Variants in DTWD2 observed in about 807,000 individuals in gnomAD.
DTWD2 encodes the protein tRNA-uridine aminocarboxypropyltransferase 2.
Under a neutral mutation model 31.8 loss-of-function variants are expected in DTWD2, and 39 were observed. The ratio of observed to expected loss-of-function variants is 1.22; its 90% confidence interval spans 0.95 to 1.60. The LOEUF is 1.60. Ranked by LOEUF, DTWD2 falls within the 40% of genes most tolerant of loss-of-function variation. The pLI is 0.00. For missense variants in DTWD2, 515 were observed against 381.5 expected, an observed-to-expected ratio of 1.35 and a Z score of -2.92; for synonymous variants, 180 against 142.8, an observed-to-expected ratio of 1.26 and a Z score of -1.86.
intron 4 of DTWD2, among the ~76,000 whole-genome samples, chr5:118,885,590 A>G (rs1161961695): frequency 6.6e-6 from 1 of 151,330 alleles, no homozygotes; most frequent in Non-Finnish European, 1.5e-5. Flanking sequence ...ACAGGGCGAA[A>G]TCTCGTCTCT....
At chr5:118,928,836 T>C in intron 3 of DTWD2, 107 bp from the exon 4 acceptor site, 1 of 896,290 alleles carries the variant, frequency 1.1e-6, no homozygotes, top group Non-Finnish European at 1.6e-6. Context: ...TAGTCATTTG[T>C]CTAATCAAAT....
intron 4 of DTWD2, among the ~76,000 whole-genome samples, chr5:118,892,792 A>T (rs1042227967): frequency 6.6e-6 from 1 of 152,200 alleles, no homozygotes; most frequent in East Asian, 1.9e-4. Flanking sequence ...GTAAAAAAAA[A>T]CCCAGCTCCA....
chr5:118,852,474 G>A lies in DTWD2; in HGVS notation c.598-4256C>T, dbSNP rs187094591. On this transcript the variant is annotated intron_variant, in intron 4 of 5. Coordinates refer to ENST00000510708, the MANE Select transcript of DTWD2 (RefSeq NM_173666.4). ...TGCTGCGACTCCAGCTGGTCCCTCCGTTCAGGGTCCCTGAATTCCCACAAC... is the reference window on the plus strand; with the variant it reads ...TGCTGCGACTCCAGCTGGTCCCTCCATTCAGGGTCCCTGAATTCCCACAAC... Among the ~76,000 whole-genome samples, 400 of 152,168 alleles carry A rather than the reference G, an allele frequency of 2.6e-3. 5 individuals carry two copies. Among genetic ancestry groups the A allele is most frequent in the Admixed American group, 1.0e-3 (16 of 15,282 alleles).
chr5:118,922,478 G>A (rs1353015426), intron 4 of DTWD2, among the ~76,000 whole-genome samples: 1 of 152,088 alleles, frequency 6.6e-6, no homozygotes, highest in Non-Finnish European at 1.5e-5. Flanking sequence ...GGGGGTATAT[G>A]CATATTGAAG....
chr5:118,975,829 C>T (rs561857327), intron 1 of DTWD2, among the ~76,000 whole-genome samples: 1 of 152,314 alleles, frequency 6.6e-6, no homozygotes, highest in East Asian at 1.9e-4. Flanking sequence ...GAACTCAGCT[C>T]TGGACCAAGT....
intron 3 of DTWD2, among the ~76,000 whole-genome samples, chr5:118,934,272 T>TAAAAAAAAAAAA (rs397999089): frequency 8.5e-5 from 2 of 23,562 alleles, no homozygotes; most frequent in Middle Eastern, 0.028. Context: ...TTGTCTCCAT[T>TAAAAAAAAAAAA]AAAAAAAAAA....
At chr5:118,887,650 G>A (rs1478245555) in intron 4 of DTWD2, among the ~76,000 whole-genome samples, 7 of 152,102 alleles carry the variant, frequency 4.6e-5, no homozygotes, top group East Asian at 1.9e-4. Context: ...ACAGGGACTC[G>A]CTGTTTTACA....
intron 4 of DTWD2, among the ~76,000 whole-genome samples, chr5:118,903,923 T>C (rs1015913890): frequency 6.6e-6 from 1 of 152,044 alleles, no homozygotes; most frequent in African/African-American, 2.4e-5. Context: ...ATTTTACATA[T>C]ATATTAGTAT....
chr5:118,912,527 G>A lies in DTWD2; in HGVS notation c.597+16010C>T, dbSNP rs150539629. Reference sequence around the variant, plus strand: ...TCTTCATTCAGTTCCTCAAACATGCGGAGCTTTTTCTCACTTCAGGTCCTT... The same window carrying A: ...TCTTCATTCAGTTCCTCAAACATGCAGAGCTTTTTCTCACTTCAGGTCCTT... On this transcript the variant is annotated intron_variant, in intron 4 of 5. Transcript: ENST00000510708. 4.5e-3 allele frequency among the ~76,000 whole-genome samples: 690 copies of A among 152,242 alleles called. 7 individuals are homozygous for A. The highest frequency in any genetic ancestry group is 0.016 in the African/African-American group (657 of 41,536).
At chr5:118,908,815 T>C (rs1001603295) in intron 4 of DTWD2, among the ~76,000 whole-genome samples, 13 of 152,090 alleles carry the variant, frequency 8.5e-5, no homozygotes, top group Admixed American at 2.0e-4. Context: ...TAAAACACAA[T>C]TGATCAGAAA....
intron 4 of DTWD2, among the ~76,000 whole-genome samples, chr5:118,919,198 T>C (rs978331566): frequency 6.6e-6 from 1 of 152,208 alleles, no homozygotes; most frequent in East Asian, 1.9e-4. Context: ...TGAAAGCAGA[T>C]GTCATCATCT....
intron 4 of DTWD2, among the ~76,000 whole-genome samples, chr5:118,869,077 A>T (rs148676387): frequency 6.6e-6 from 1 of 152,246 alleles, no homozygotes; most frequent in African/African-American, 2.4e-5. Context: ...TATTTAATGC[A>T]TACAGTTAGT....
intron 3 of DTWD2, among the ~76,000 whole-genome samples, chr5:118,929,130 G>A (rs1486258883): frequency 2.6e-5 from 4 of 152,188 alleles, no homozygotes; most frequent in Non-Finnish European, 5.9e-5. Context: ...ACAATCCCAA[G>A]GCAAAATCGA....
intron 1 of DTWD2, among the ~76,000 whole-genome samples, chr5:118,974,956 ATT>A (rs1755113987): frequency 6.6e-6 from 1 of 151,752 alleles, no homozygotes; most frequent in African/African-American, 2.4e-5. Context: ...TGCCCTTAAC[ATT>A]TTTTCCTTCA....
chr5:118,874,707 A>T (rs1397843064), intron 4 of DTWD2, among the ~76,000 whole-genome samples: 1 of 152,212 alleles, frequency 6.6e-6, no homozygotes, highest in East Asian at 1.9e-4. Flanking sequence ...AAAATATGGG[A>T]TTACAAAAAG....
At chr5:118,978,141 C>T (rs149139796) in intron 1 of DTWD2, among the ~76,000 whole-genome samples, 3 of 149,042 alleles carry the variant, frequency 2.0e-5, no homozygotes, top group African/African-American at 7.4e-5. Flanking sequence ...CTTTTTTTTA[C>T]GTGGTGCTGG....
chr5:118,937,654 A>G (rs1754075164), intron 3 of DTWD2, among the ~76,000 whole-genome samples: 1 of 152,144 alleles, frequency 6.6e-6, no homozygotes, highest in African/African-American at 2.4e-5. Context: ...CCCCCTTCAC[A>G]TTGTTCTCTT....
intron 4 of DTWD2, among the ~76,000 whole-genome samples, chr5:118,899,933 C>T (rs1347367123): frequency 6.6e-6 from 1 of 151,640 alleles, no homozygotes; most frequent in East Asian, 1.9e-4. Context: ...TCCCAAGTAG[C>T]TGGCATTACA....
At chr5:118,937,936 C>T (rs1216915891) in intron 3 of DTWD2, among the ~76,000 whole-genome samples, 2 of 148,646 alleles carry the variant, frequency 1.3e-5, no homozygotes, top group African/African-American at 2.5e-5. Flanking sequence ...TATTACTGAA[C>T]GTTTTGAACA....
Sources: allele counts gnomAD v4.1 joint callset (sites outside exome capture counted in the v4.1 genomes callset), GRCh38; gene constraint gnomAD v4.1.1; transcripts MANE v1.5; gene names NCBI Gene and HGNC (gene_info 2026-07-23, HGNC 2026-07-21).